DOCK4: variants seen among roughly 807,000 people sequenced by gnomAD.
The protein encoded by DOCK4 is dedicator of cytokinesis 4, also known as dedicator of cytokinesis protein 4.
A neutral mutation model predicts 268.1 loss-of-function variants in DOCK4; 97 were observed. That is an observed-to-expected ratio of 0.36 (90% confidence interval 0.31 to 0.43). The LOEUF (loss-of-function observed/expected upper bound fraction) is 0.43. DOCK4 is among the 20% of genes least tolerant of loss of function. The probability of loss-of-function intolerance (pLI) is 1.00; values close to 1 mark genes in which losing one functional copy is unlikely to be tolerated. For missense variants in DOCK4, 2,145 were observed against 2,455.7 expected, an observed-to-expected ratio of 0.87 and a Z score of 2.67; for synonymous variants, 954 against 887.2, an observed-to-expected ratio of 1.08 and a Z score of -1.34.
chr7:112,188,205 T>C (rs936588978), intron 1 of DOCK4, among the ~76,000 whole-genome samples: 1 of 152,220 alleles, frequency 6.6e-6, no homozygotes, highest in African/African-American at 2.4e-5. Context: ...ACAGTAAATA[T>C]CTCATACACT....
Position 112,200,906 on chromosome 7 carries a change from G to C in DOCK4, c.37+5196C>G, listed in dbSNP as rs1045793250. On this transcript the variant is annotated intron_variant, in intron 1 of 52. Transcript: ENST00000428084. ...AAGCTGCTATCCCACTGTCTGTATG[G>C]CCCTTCGGTGGTATTTTACTGGGAG... 1.4e-4 allele frequency among the ~76,000 whole-genome samples: 21 copies of C among 152,104 alleles called. 1 individual carries two copies. Among genetic ancestry groups the C allele is most frequent in the Admixed American group, 1.3e-4 (2 of 15,256 alleles).
chr7:111,912,857 C>A (rs1792234890), intron 13 of DOCK4, among the ~76,000 whole-genome samples: 1 of 144,688 alleles, frequency 6.9e-6, no homozygotes, highest in African/African-American at 2.5e-5. Flanking sequence ...TAGACTTTTT[C>A]TTTTTTTTTT....
In DOCK4 at chr7:111,758,723, C is replaced by T. The variant is rs745458765; in HGVS notation, c.4230G>A (p.Pro1410=). 6.8e-6 allele frequency: 11 copies of T among 1,613,870 alleles called. No individual in the cohort carries two copies. The highest frequency in any genetic ancestry group is 5.0e-5 in the Admixed American group (3 of 60,002). ...SQEVLQREGV[P]DNIKSFYKVN... ...CTTTATAGAAGCTTTTGATGTTGTC[C>T]GGAACACCCTCTCTCTGCAGGACCT... Residue 1410 remains proline, a synonymous_variant, in exon 41 of 53, where the codon CCG becomes CCA. Transcript: ENST00000428084.
chr7:111,828,645 G>A (rs1017135007), intron 26 of DOCK4, among the ~76,000 whole-genome samples: 5 of 152,014 alleles, frequency 3.3e-5, no homozygotes, highest in South Asian at 2.1e-4. Flanking sequence ...ACAATTACAC[G>A]TCTAGGAATT....
At chr7:112,180,104 G>A (rs1469370879) in intron 1 of DOCK4, among the ~76,000 whole-genome samples, 1 of 152,014 alleles carries the variant, frequency 6.6e-6, no homozygotes, top group Non-Finnish European at 1.5e-5. Flanking sequence ...GTCAACTACG[G>A]TTTAGCTGTC....
intron 26 of DOCK4, among the ~76,000 whole-genome samples, chr7:111,830,280 G>A (rs1383407782): frequency 2.0e-5 from 3 of 152,002 alleles, no homozygotes; most frequent in Non-Finnish European, 2.9e-5. Flanking sequence ...CAAAAAATCC[G>A]CCGGGCGTGG....
chr7:112,113,162 T>A lies in DOCK4; in HGVS notation c.37+92940A>T, dbSNP rs546270873. The stretch of plus-strand genomic sequence containing the variant: ...AGGAAATTCCTGAGGCAAAGTGGGG[T>A]GTTGGCCAAGTTCTAGCAGTTTAAA... On this transcript the variant is annotated intron_variant, in intron 1 of 52. Transcript: ENST00000428084. Among the ~76,000 whole-genome samples, 4 of 152,236 alleles carry A rather than the reference T, an allele frequency of 2.6e-5. No homozygotes were observed. In the East Asian group the frequency reaches 7.7e-4, roughly 29 times the overall value.
At chr7:111,999,764 A>G (rs1332046756) in intron 3 of DOCK4, among the ~76,000 whole-genome samples, 4 of 134,850 alleles carry the variant, frequency 3.0e-5, no homozygotes, top group Non-Finnish European at 6.3e-5. Context: ...TACAATCCCA[A>G]AGCTAGAATT....
At chr7:112,116,040 G>A (rs1812129299) in intron 1 of DOCK4, among the ~76,000 whole-genome samples, 1 of 152,022 alleles carries the variant, frequency 6.6e-6, no homozygotes, top group Non-Finnish European at 1.5e-5. Flanking sequence ...CATTTAAATA[G>A]TGTACAACTC....
At chr7:111,807,249 A>C (rs1800743786) in intron 30 of DOCK4, among the ~76,000 whole-genome samples, 1 of 152,196 alleles carries the variant, frequency 6.6e-6, no homozygotes, top group Non-Finnish European at 1.5e-5. Context: ...TTCTTTCAAA[A>C]ACATCTTGCT....
At chr7:112,141,467 G>A (rs144951493) in intron 1 of DOCK4, among the ~76,000 whole-genome samples, 1 of 152,156 alleles carries the variant, frequency 6.6e-6, no homozygotes, top group Non-Finnish European at 1.5e-5. Context: ...TCTTGATAAC[G>A]TGAGTGGGCC....
chr7:111,984,278 A>C (rs375427045), intron 7 of DOCK4, 28 bp downstream of exon 7: 125 of 1,587,758 alleles, frequency 7.9e-5, no homozygotes, highest in Non-Finnish European at 1.1e-4. Context: ...TAGCAGGAAG[A>C]CTGGAAGCCA....
intron 38 of DOCK4, among the ~76,000 whole-genome samples, chr7:111,766,776 A>C (rs1797785860): frequency 6.6e-6 from 1 of 152,218 alleles, no homozygotes; most frequent in Non-Finnish European, 1.5e-5. Context: ...ATAAACTAAA[A>C]GTGTTAATCC....
At chr7:112,008,666 C>T (rs1213744739) in intron 1 of DOCK4, among the ~76,000 whole-genome samples, 1 of 152,168 alleles carries the variant, frequency 6.6e-6, no homozygotes, top group Non-Finnish European at 1.5e-5. Flanking sequence ...CACAACAGTC[C>T]ATGACTTTTA....
At chr7:111,776,464 T>C (rs977390589) in intron 36 of DOCK4, among the ~76,000 whole-genome samples, 4 of 152,160 alleles carry the variant, frequency 2.6e-5, no homozygotes, top group Admixed American at 2.6e-4. Context: ...TCAGTGGACT[T>C]AACTCAATAG....
intron 41 of DOCK4, among the ~76,000 whole-genome samples, chr7:111,757,035 G>C (rs1216003681): frequency 6.6e-6 from 1 of 152,024 alleles, no homozygotes; most frequent in Non-Finnish European, 1.5e-5. Flanking sequence ...TTGCCAGGAG[G>C]AGAGTGGGGG....
At chr7:111,770,144 G>A (rs770741694) in intron 36 of DOCK4, among the ~76,000 whole-genome samples, 1 of 149,944 alleles carries the variant, frequency 6.7e-6, no homozygotes, top group Admixed American at 6.7e-5. Flanking sequence ...CTGAAAAATC[G>A]AAACTGGTGA....
At chr7:111,995,127 G>A (rs1799832852) in intron 4 of DOCK4, among the ~76,000 whole-genome samples, 1 of 151,770 alleles carries the variant, frequency 6.6e-6, no homozygotes, top group African/African-American at 2.4e-5. Flanking sequence ...CACCTCCCAG[G>A]TTCATGCCAT....
intron 1 of DOCK4, among the ~76,000 whole-genome samples, chr7:112,070,560 G>A (rs746519774): frequency 6.6e-6 from 1 of 152,114 alleles, no homozygotes; most frequent in African/African-American, 2.4e-5. Flanking sequence ...CAGTATTTAA[G>A]GAGTAGTTGA....
Sources: gnomAD v4.1 joint callset for allele counts (sites outside exome capture counted in the v4.1 genomes callset) on GRCh38, gnomAD v4.1.1 for gene constraint, MANE v1.5 for transcripts, NCBI Gene and HGNC (gene_info 2026-07-23, HGNC 2026-07-21) for gene names.